A1CF: variants seen among roughly 807,000 people sequenced by gnomAD.
A1CF encodes the protein APOBEC1 complementation factor, also known as APOBEC-1 stimulating protein.
In A1CF, 48 loss-of-function variants were observed where a neutral mutation model predicts 68.9. That is an observed-to-expected ratio of 0.70 (90% confidence interval 0.55 to 0.89). The LOEUF is 0.89. A1CF is among the 40% of genes least tolerant of loss of function. A1CF has a pLI of 0.00. For synonymous variants in A1CF, 272 were observed against 260.4 expected (o/e 1.04, Z -0.43); for missense variants, 653 against 718.9 (o/e 0.91, Z 1.05).
At position 50,811,070 on chromosome 10, in the gene A1CF, A is replaced by G; in HGVS notation, c.1430T>C (p.Ile477Thr). The G allele has an allele frequency of 6.2e-7, 1 of 1,613,512 alleles. No individual in the cohort carries two copies. The highest frequency in any genetic ancestry group is 8.5e-7 in the Non-Finnish European group (1 of 1,179,600). Residue 477 changes from isoleucine to threonine, a missense_variant, in exon 11 of 13, where the codon ATT (isoleucine) becomes ACT (threonine). Ile to Thr is a moderately conservative substitution (Grantham distance 89). Transcript: ENST00000373997. ...AGGATTCTGGCTGGCTAGAGCAGGA[A>G]TAGTTATTTTGTACAAGAATAGCTG... Reference protein sequence around the residue: ...QRQLFLYKITIPALASQNPAI... With the variant: ...QRQLFLYKITTPALASQNPAI...
In A1CF at chr10:50,836,143, G is replaced by T; in HGVS notation, c.535C>A (p.Arg179=). 6.2e-7 allele frequency: 1 copy of T among 1,613,922 alleles called. No homozygotes were observed. Among genetic ancestry groups the T allele is most frequent in the Non-Finnish European group, 8.5e-7 (1 of 1,179,846 alleles). Residue 179 remains arginine (R), a synonymous_variant, in exon 6 of 13, where the codon CGA becomes AGA. Transcript: ENST00000373997. ...TCATACTCCACGAAGGCAAAGCCTCGGTTTTTGGTTTTATCTGCAGCGCTT... is the reference window on the plus strand; with the variant it reads ...TCATACTCCACGAAGGCAAAGCCTCTGTTTTTGGTTTTATCTGCAGCGCTT... The part of the protein sequence containing the change: ...YPSAADKTKN[R]GFAFVEYESH...
chr10:50,878,628 T>C lies in A1CF; in HGVS notation c.-94+6953A>G, dbSNP rs542716463. Among the ~76,000 whole-genome samples, 6 of 152,338 alleles carry C rather than the reference T, an allele frequency of 3.9e-5. No homozygotes were observed. The East Asian group carries it at 1.2e-3, about 29-fold the overall frequency. On this transcript the variant is annotated intron_variant, in intron 1 of 12. Transcript: ENST00000373997. ...TGGGCTTTAGGAAATCCTTTGCAAT[T>C]CTGAGTTACTAAATTATTATAGAAA...
intron 1 of A1CF, among the ~76,000 whole-genome samples, chr10:50,868,028 G>A (rs1841077096): frequency 6.6e-6 from 1 of 152,150 alleles, no homozygotes; most frequent in Non-Finnish European, 1.5e-5. Flanking sequence ...CGTACAGTGA[G>A]GTGCTCCACG....
chr10:50,834,780 T>A (rs993137772), intron 6 of A1CF, among the ~76,000 whole-genome samples: 16 of 152,208 alleles, frequency 1.1e-4, no homozygotes, highest in South Asian at 2.1e-4. Flanking sequence ...GTGGGGCACA[T>A]GGAAGAGAAA....
rs553654142 is a variant in A1CF at position 50,806,132 on chromosome 10, C to T, written c.*597G>A. 6.6e-6 allele frequency: 1 copy of T among 152,376 alleles called. No homozygotes were observed. The highest frequency in any genetic ancestry group is 2.1e-4 in the South Asian group (1 of 4,826). 9.4% of individuals were successfully genotyped at this position (152,376 alleles called of 1,614,324 possible). On this transcript the variant is annotated 3_prime_UTR_variant, in exon 13 of 13. Transcript: ENST00000373997. ...CTGCAGGGGACAGGAAGATCCTGATCTGTGACAAATCGACTGGATGGAATT... is the reference window on the plus strand; with the variant it reads ...CTGCAGGGGACAGGAAGATCCTGATTTGTGACAAATCGACTGGATGGAATT...
intron 1 of A1CF, among the ~76,000 whole-genome samples, chr10:50,879,986 G>A (rs562543411): frequency 9.8e-4 from 149 of 152,202 alleles, no homozygotes; most frequent in Non-Finnish European, 1.7e-3. Context: ...CTATTAATTC[G>A]TCTCTCAGAA....
In A1CF at chr10:50,859,037, C is replaced by T. The variant is rs530364170; in HGVS notation, c.99+805G>A. ...CACTCTTGCATATTTTATTGCTAAT[C>T]ACACATGACATTTGAATTCATAGTA... On this transcript the variant is annotated intron_variant, in intron 3 of 12. Transcript: ENST00000373997. 3.4e-3 allele frequency among the ~76,000 whole-genome samples: 518 copies of T among 152,198 alleles called. 4 individuals carry two copies. The highest frequency in any genetic ancestry group is 6.5e-3 in the Non-Finnish European group (440 of 68,006).
intron 12 of A1CF, among the ~76,000 whole-genome samples, chr10:50,807,953 G>A (rs1353508535): frequency 6.6e-6 from 1 of 152,184 alleles, no homozygotes; most frequent in Non-Finnish European, 1.5e-5. Context: ...CACTCTTGGT[G>A]CATTCATTTT....
At chr10:50,881,855 A>G (rs1184941911) in intron 1 of A1CF, among the ~76,000 whole-genome samples, 1 of 152,210 alleles carries the variant, frequency 6.6e-6, no homozygotes, top group Non-Finnish European at 1.5e-5. Context: ...CTCTCTTAAT[A>G]TTACCAGGGA....
chr10:50,871,267 G>A (rs1841254988), intron 1 of A1CF, among the ~76,000 whole-genome samples: 1 of 151,722 alleles, frequency 6.6e-6, no homozygotes, highest in African/African-American at 2.4e-5. Flanking sequence ...GAAATAACAA[G>A]TGAAGTATAA....
At chr10:50,865,844 G>C (rs1265545944) in intron 1 of A1CF, among the ~76,000 whole-genome samples, 1 of 152,136 alleles carries the variant, frequency 6.6e-6, no homozygotes, top group East Asian at 1.9e-4. Context: ...GTACATCCTT[G>C]TATTGTTTCG....
At chr10:50,814,639 T>G (rs1395085725) in intron 9 of A1CF, among the ~76,000 whole-genome samples, 2 of 152,234 alleles carry the variant, frequency 1.3e-5, no homozygotes, top group African/African-American at 4.8e-5. Context: ...TTCCTTTTGA[T>G]TTTTGTTTTG....
Position 50,836,119 on chromosome 10 carries a change from C to G in A1CF, c.559G>C (p.Glu187Gln), listed in dbSNP as rs771977332. 6.2e-7 allele frequency: 1 copy of G among 1,613,930 alleles called. No homozygotes were observed. The highest frequency in any genetic ancestry group is 1.1e-5 in the South Asian group (1 of 91,056). ...KNRGFAFVEY[E>Q]SHRAAAMARR... The stretch of plus-strand genomic sequence containing the variant: ...GCCATGGCAGCTGCTCGATGACTCT[C>G]ATACTCCACGAAGGCAAAGCCTCGG... Residue 187 changes from glutamate to glutamine, a missense_variant, in exon 6 of 13, where the codon GAG becomes CAG. Physicochemically the swap from Glu to Gln is conservative, Grantham distance 29 (BLOSUM62 2). Coordinates refer to ENST00000373997, the MANE Select transcript of A1CF (RefSeq NM_014576.4).
At chr10:50,843,959 G>T in intron 4 of A1CF, 29 bp downstream of exon 4, 1 of 1,611,814 alleles carries the variant, frequency 6.2e-7, no homozygotes, top group Non-Finnish European at 8.5e-7. Flanking sequence ...TGAACGATAA[G>T]AAAAATTAAA....
At chr10:50,880,748 C>T (rs1841731627) in intron 1 of A1CF, among the ~76,000 whole-genome samples, 1 of 152,170 alleles carries the variant, frequency 6.6e-6, no homozygotes, top group African/African-American at 2.4e-5. Flanking sequence ...GGATAGAATA[C>T]TAAAATCAAT....
intron 3 of A1CF, among the ~76,000 whole-genome samples, chr10:50,844,769 G>T (rs546835209): frequency 6.6e-6 from 1 of 152,254 alleles, no homozygotes; most frequent in Admixed American, 6.5e-5. Context: ...ACCATCCTTA[G>T]AAGTAGTTAC....
chr10:50,848,939 A>G (rs965829769), intron 3 of A1CF, among the ~76,000 whole-genome samples: 37 of 152,314 alleles, frequency 2.4e-4, no homozygotes, highest in African/African-American at 7.7e-4. Flanking sequence ...CAAGGCATGG[A>G]GGACATCACT....
intron 6 of A1CF, among the ~76,000 whole-genome samples, chr10:50,833,527 A>G (rs760509276): frequency 9.2e-5 from 14 of 152,332 alleles, no homozygotes; most frequent in Admixed American, 2.0e-4. Flanking sequence ...GAGGTAAGTG[A>G]CTGAGGAGCA....
At position 50,836,304 on chromosome 10, in the gene A1CF, C is replaced by A. The variant is rs148254279; in HGVS notation, c.374G>T (p.Arg125Leu). The A allele has an allele frequency of 1.3e-5, 21 of 1,609,100 alleles. No individual in the cohort carries two copies. The highest frequency in any genetic ancestry group is 1.7e-5 in the Non-Finnish European group (20 of 1,178,524). Residue 125 changes from arginine to leucine, a missense_variant, in exon 6 of 13, where the codon CGC (arginine) becomes CTC (leucine). Transcript: ENST00000373997. ...CACACTGGCACAAACCCCTAAGAGG[C>A]GCCCATTTCTGCAAAAAGAGCAGGG... ...QLNNYEIRNG[R>L]LLGVCASVDN...
Sources: allele counts gnomAD v4.1 joint callset (sites outside exome capture counted in the v4.1 genomes callset), GRCh38; gene constraint gnomAD v4.1.1; transcripts MANE v1.5; gene names NCBI Gene and HGNC (gene_info 2026-07-23, HGNC 2026-07-21).